UBE3A: variants seen among roughly 807,000 people sequenced by gnomAD.
UBE3A encodes ubiquitin protein ligase E3A.
Under a neutral mutation model 83.4 loss-of-function variants are expected in UBE3A, and 6 were observed. The ratio of observed to expected loss-of-function variants is 0.07; its 90% CI spans 0.04 to 0.14. UBE3A has a LOEUF of 0.14. Ranked by LOEUF, UBE3A falls within the 10% of genes least tolerant of loss-of-function variation. The probability of loss-of-function intolerance (pLI) is 1.00; values close to 1 mark genes in which losing one functional copy is unlikely to be tolerated. For synonymous variants in UBE3A, 337 were observed against 355.4 expected (o/e 0.95, Z 0.58); for missense variants, 456 against 1,036.1 (o/e 0.44, Z 7.69).
intron 1 of UBE3A, among the ~76,000 whole-genome samples, chr15:25,422,297 C>A (rs930753832): frequency 6.6e-6 from 1 of 152,080 alleles, no homozygotes; most frequent in Non-Finnish European, 1.5e-5. Flanking sequence ...CAGGAAGGAA[C>A]TTTTTGGAGG....
intron 6 of UBE3A, among the ~76,000 whole-genome samples, chr15:25,366,186 G>T (rs182667654): frequency 2.3e-4 from 35 of 152,152 alleles, no homozygotes; most frequent in Middle Eastern, 3.4e-3. Flanking sequence ...TTTCATTTTT[G>T]ATTTCAATTA....
chr15:25,348,252 AT>A (rs2076010921), intron 11 of UBE3A, among the ~76,000 whole-genome samples: 1 of 152,158 alleles, frequency 6.6e-6, no homozygotes, highest in Admixed American at 6.5e-5. Context: ...TTCTCAAGTG[AT>A]TTTTAACGTA....
intron 12 of UBE3A, 42 bp downstream of exon 12, chr15:25,340,043 G>A: frequency 1.2e-6 from 2 of 1,613,338 alleles, no homozygotes; most frequent in Non-Finnish European, 1.7e-6. Flanking sequence ...AGGAATGCAA[G>A]GTTTTCGGTA....
chr15:25,416,608 C>T (rs1596362184), intron 1 of UBE3A, among the ~76,000 whole-genome samples: 2 of 147,168 alleles, frequency 1.4e-5, no homozygotes, highest in East Asian at 4.0e-4. Flanking sequence ...GTGCAACAAG[C>T]TATACACTTA....
At chr15:25,356,614 A>C (rs2077249535) in intron 8 of UBE3A, 77 bp downstream of exon 8, 1 of 1,437,960 alleles carries the variant, frequency 7.0e-7, no homozygotes, top group African/African-American at 1.4e-5. Flanking sequence ...AAAAACTTTA[A>C]AATTTTGACA....
At chr15:25,356,958 T>C in intron 7 of UBE3A, 62 bp from the exon 8 acceptor site, 2 of 1,351,096 alleles carry the variant, frequency 1.5e-6, no homozygotes, top group South Asian at 2.5e-5. Flanking sequence ...TGATGAATAA[T>C]ACAAATATAA....
At chr15:25,372,228 T>A (rs560320236) in intron 5 of UBE3A, among the ~76,000 whole-genome samples, 3 of 152,168 alleles carry the variant, frequency 2.0e-5, no homozygotes, top group Non-Finnish European at 4.4e-5. Flanking sequence ...GTGAGTTTTC[T>A]TGTTTCAGTA....
chr15:25,354,532 C>T lies in UBE3A; in HGVS notation c.2276G>A (p.Ser759Asn), dbSNP rs1160782638. The T allele has an allele frequency of 1.2e-6, 2 of 1,613,928 alleles. No homozygotes were observed. Among genetic ancestry groups the T allele is most frequent in the Admixed American group, 3.3e-5 (2 of 60,026 alleles). ...TGCAGACACCTGCTTTCTTACCCGG[C>T]TTCCACATATAAGCAATTCAATTTC... Reference protein sequence around the residue: ...PEEIELLICGSRNLDFQALEE... With the variant: ...PEEIELLICGNRNLDFQALEE... The change falls in exon 10 of 13, where the codon AGC becomes AAC. Residue 759 changes from serine (S) to asparagine (N), a missense_variant. By Grantham distance (46) the Ser-to-Asn change is conservative. Around this residue, in one of 13 missense-constraint regions of UBE3A, gnomAD observed 82 missense variants for 199.3 expected, o/e 0.41. Transcript: ENST00000648336.
At chr15:25,349,543 A>G (rs2076198027) in intron 11 of UBE3A, among the ~76,000 whole-genome samples, 1 of 152,162 alleles carries the variant, frequency 6.6e-6, no homozygotes, top group East Asian at 1.9e-4. Flanking sequence ...CATGGGGAAT[A>G]CGTTCCAAGA....
intron 4 of UBE3A, among the ~76,000 whole-genome samples, chr15:25,387,532 G>C (rs1333927375): frequency 1.3e-5 from 2 of 151,158 alleles, no homozygotes; most frequent in Non-Finnish European, 3.0e-5. Flanking sequence ...AAAAAAAAAA[G>C]AAAAGAAAAG....
intron 2 of UBE3A, chr15:25,409,495 TA>T (rs1488391068): frequency 6.1e-6 from 1 of 165,076 alleles, no homozygotes; most frequent in African/African-American, 2.4e-5. Flanking sequence ...TGGCTTTACC[TA>T]ATCAAGACAG....
At chr15:25,398,139 G>C (rs1193020200) in intron 4 of UBE3A, among the ~76,000 whole-genome samples, 18 of 125,434 alleles carry the variant, frequency 1.4e-4, no homozygotes, top group Admixed American at 1.9e-4. Context: ...CTACACTCCA[G>C]CCTGGGTGAC....
At chr15:25,433,568 C>G (rs1158205630) in intron 1 of UBE3A, among the ~76,000 whole-genome samples, 1 of 152,208 alleles carries the variant, frequency 6.6e-6, no homozygotes, top group African/African-American at 2.4e-5. Context: ...CTATCACTTT[C>G]ATTTGACAAA....
intron 11 of UBE3A, chr15:25,353,968 A>G (rs2076883521): frequency 7.9e-6 from 2 of 253,936 alleles, no homozygotes; most frequent in South Asian, 1.1e-4. Flanking sequence ...TTTCACTCAA[A>G]AAGTGCTTGA....
At chr15:25,398,188 A>C (rs896442287) in intron 4 of UBE3A, among the ~76,000 whole-genome samples, 15 of 150,706 alleles carry the variant, frequency 1.0e-4, no homozygotes, top group South Asian at 2.1e-4. Flanking sequence ...AAAAAAAAAA[A>C]AAACACAAAA....
Position 25,371,007 on chromosome 15 carries a change from G to A in UBE3A, c.1167C>T (p.His389=). ...TGGGCTCTTCATCATCTTCTTCATT[G>A]TGATTTGTGTCCACTTCCCCTCCCA... ...NVVGGEVDTN[H]NEEDDEEPIP... Residue 389 remains histidine (H), a synonymous_variant, in exon 6 of 13, where the codon CAC becomes CAT. Coordinates refer to ENST00000648336, the MANE Select transcript of UBE3A (RefSeq NM_130839.5). The surrounding 1 kb of genome is among the most constrained non-coding windows in gnomAD (Gnocchi z 5.3). 1 of 1,613,978 alleles carries A rather than the reference G, an allele frequency of 6.2e-7. No homozygotes were observed. The highest frequency in any genetic ancestry group is 1.6e-4 in the Middle Eastern group (1 of 6,062).
chr15:25,349,683 A>G (rs1453929222), intron 11 of UBE3A, among the ~76,000 whole-genome samples: 2 of 152,178 alleles, frequency 1.3e-5, no homozygotes, highest in African/African-American at 2.4e-5. Context: ...ACCTCAACAT[A>G]TGATTTTTAA....
At chr15:25,430,492 G>A (rs1293778084) in intron 1 of UBE3A, among the ~76,000 whole-genome samples, 1 of 150,884 alleles carries the variant, frequency 6.6e-6, no homozygotes, top group African/African-American at 2.4e-5. Context: ...TATGGACAAT[G>A]TGTGCACCGC....
intron 4 of UBE3A, among the ~76,000 whole-genome samples, chr15:25,403,240 C>G (rs1309898569): frequency 2.6e-5 from 4 of 152,196 alleles, no homozygotes; most frequent in Non-Finnish European, 5.9e-5. Context: ...GCCAGCCAGT[C>G]AAGACTCTCA....
Sources: gnomAD v4.1 joint callset for allele counts (sites outside exome capture counted in the v4.1 genomes callset) on GRCh38, gnomAD v4.1.1 for gene constraint, gnomAD v4.1.1 regional missense constraint, Gnocchi (gnomAD v3.1) non-coding constraint, MANE v1.5 for transcripts, NCBI Gene and HGNC (gene_info 2026-07-23, HGNC 2026-07-21) for gene names.